The following PSME4 variants were observed in gnomAD, a reference collection of about 807,000 sequenced individuals.
The protein encoded by PSME4 is proteasome activator complex subunit 4.
PSME4 carries 89 observed loss-of-function variants against 253.9 expected under a neutral mutation model. That is an observed-to-expected ratio of 0.35 (90% CI 0.30 to 0.42). The LOEUF is 0.42. PSME4 is among the 10% of genes least tolerant of loss of function. The probability of loss-of-function intolerance (pLI) is 1.00; values close to 1 mark genes in which losing one functional copy is unlikely to be tolerated. For missense variants in PSME4, 2,014 were observed against 2,195.2 expected (o/e 0.92, Z 1.65); for synonymous variants, 851 against 759.2 (o/e 1.12, Z -1.99).
intron 3 of PSME4, among the ~76,000 whole-genome samples, chr2:53,940,755 T>G (rs967727807): frequency 2.0e-5 from 3 of 150,102 alleles, no homozygotes; most frequent in Non-Finnish European, 4.4e-5. Flanking sequence ...AATGGAGCAC[T>G]AGATAATTTT....
At chr2:53,876,135 C>G (rs1679104289) in intron 41 of PSME4, among the ~76,000 whole-genome samples, 1 of 152,172 alleles carries the variant, frequency 6.6e-6, no homozygotes, top group South Asian at 2.1e-4. Context: ...TGGCGGTACT[C>G]AGATTTCCCC....
intron 20 of PSME4, among the ~76,000 whole-genome samples, chr2:53,913,721 A>G (rs1667933870): frequency 6.6e-6 from 1 of 152,224 alleles, no homozygotes; most frequent in African/African-American, 2.4e-5. Flanking sequence ...CCAGTGAACA[A>G]AGGGTCACTA....
intron 26 of PSME4, among the ~76,000 whole-genome samples, chr2:53,904,432 G>C (rs557511219): frequency 1.3e-5 from 2 of 152,134 alleles, no homozygotes; most frequent in African/African-American, 4.8e-5. Context: ...CATTTGCTCA[G>C]TAACATAGCT....
intron 3 of PSME4, among the ~76,000 whole-genome samples, chr2:53,947,120 C>T (rs949485661): frequency 1.3e-5 from 2 of 152,046 alleles, no homozygotes; most frequent in African/African-American, 4.8e-5. Flanking sequence ...CAAAACTGTC[C>T]AAAAACCAAT....
intron 14 of PSME4, among the ~76,000 whole-genome samples, chr2:53,924,230 T>C (rs914359721): frequency 2.0e-5 from 3 of 152,214 alleles, no homozygotes. Flanking sequence ...CTGAAAAGTA[T>C]AAACAACTCT....
chr2:53,914,650 AGGC>A (rs1249936647), intron 20 of PSME4, among the ~76,000 whole-genome samples: 1 of 152,222 alleles, frequency 6.6e-6, no homozygotes, highest in African/African-American at 2.4e-5. Flanking sequence ...TGGGAGGCAG[AGGC>A]GGGTGGATCA....
chr2:53,874,850 CAA>C (rs1558643980), intron 42 of PSME4, among the ~76,000 whole-genome samples: 1 of 152,182 alleles, frequency 6.6e-6, no homozygotes, highest in Non-Finnish European at 1.5e-5. Flanking sequence ...GAAGCTGAGA[CAA>C]GAGAATCGCA....
chr2:53,955,657 C>T (rs1249205131), intron 1 of PSME4, among the ~76,000 whole-genome samples: 2 of 152,162 alleles, frequency 1.3e-5, no homozygotes, highest in Admixed American at 1.3e-4. Flanking sequence ...CACAGTGGCT[C>T]ATGTCTGCAA....
At chr2:53,932,159 T>C (rs1668861673) in intron 9 of PSME4, 59 bp from the exon 10 acceptor site, 3 of 1,485,908 alleles carry the variant, frequency 2.0e-6, no homozygotes, top group Admixed American at 1.9e-5. Context: ...TAGACATTCA[T>C]GGTTGCTCTC....
At chr2:53,967,963 T>C (rs115943773) in intron 1 of PSME4, among the ~76,000 whole-genome samples, 2 of 151,666 alleles carry the variant, frequency 1.3e-5, no homozygotes, top group African/African-American at 4.8e-5. Flanking sequence ...AATACCAGAG[T>C]AGAAATGCTT....
chr2:53,910,193 A>C lies in PSME4; in HGVS notation c.2517-63T>G, dbSNP rs1044853046. 18 of 1,359,070 alleles carry C rather than the reference A, an allele frequency of 1.3e-5. 1 individual carries two copies. In the African/African-American group the frequency reaches 2.0e-4, roughly 15 times the overall value. The allele number at this position is 1,359,070 out of a possible 1,614,324, so 84.2% of individuals were successfully genotyped here. A position where few individuals can be genotyped will look rare whatever the true frequency, so the allele number is the denominator to read the frequency against. On this transcript the variant is annotated intron_variant, in intron 20 of 46. Coordinates refer to ENST00000404125, the MANE Select transcript of PSME4 (RefSeq NM_014614.3). ...ACCAATATGAAGTATTAAAGGGAAA[A>C]GTTTCATTGCTGGACTGTTTAAACC...
At chr2:53,876,971 C>A (rs544930171) in intron 41 of PSME4, among the ~76,000 whole-genome samples, 1 of 151,702 alleles carries the variant, frequency 6.6e-6, no homozygotes, top group Non-Finnish European at 1.5e-5. Context: ...AATCTTCCTG[C>A]GCTGGCCTCC....
chr2:53,887,279 C>A lies in PSME4; in HGVS notation c.4709G>T (p.Gly1570Val), dbSNP rs1679683767. 1 of 1,613,504 alleles carries A rather than the reference C, an allele frequency of 6.2e-7. No homozygotes were observed. The highest frequency in any genetic ancestry group is 1.7e-5 in the Admixed American group (1 of 59,986). ...CTCACTGGTTTTCAAGAGTTTAATG[C>A]CCTGAGTTCGCTCATCTTCTTCACC... ...GIGEEDERTQ[G>V]IKLLKTILKW... is the part of the protein sequence containing the mutation. The change falls in exon 40 of 47, where the codon GGC becomes GTC. Residue 1570 changes from glycine to valine, a missense_variant. By Grantham distance (109) the Gly-to-Val change is moderately radical. Around this residue, in one of 4 missense-constraint regions of PSME4, gnomAD observed 403 missense variants for 556.1 expected, o/e 0.72. Transcript: ENST00000404125.
chr2:53,940,045 G>A, intron 3 of PSME4, 45 bp from the exon 4 acceptor site: 1 of 1,368,906 alleles, frequency 7.3e-7, no homozygotes, highest in Non-Finnish European at 1.0e-6. Context: ...TGTATTTTAA[G>A]AACATATCTA....
At position 53,955,639 on chromosome 2, in the gene PSME4, A is replaced by C. The variant is rs567132058; in HGVS notation, c.243-6356T>G. On this transcript the variant is annotated intron_variant, in intron 1 of 46. Transcript: ENST00000404125. ...TCATTCAAGGAAAAAGAAACAAAAC[A>C]GGCCCAGCACAGTGGCTCATGTCTG... Among the ~76,000 whole-genome samples, 3 of 152,324 alleles carry C rather than the reference A, an allele frequency of 2.0e-5. No individual in the cohort carries two copies. In the South Asian group the frequency reaches 6.2e-4, roughly 32 times the overall value.
rs1678475518 is a variant in PSME4, at chr2:53,864,455, TCA to T, written c.*1121_*1122del. ...ACTGAAAAAAAAAAAACCCCACATC[TCA>T]GTTTTTGTAACAAGATAAAGAAAAT... On this transcript the variant is annotated 3_prime_UTR_variant, in exon 47 of 47. Coordinates refer to ENST00000404125, the MANE Select transcript of PSME4 (RefSeq NM_014614.3). 2 of 151,098 alleles carry T rather than the reference TCA, an allele frequency of 1.3e-5. No individual in the cohort carries two copies. The highest frequency in any genetic ancestry group is 6.6e-5 in the Admixed American group (1 of 15,134). 9.4% of individuals were successfully genotyped at this position (151,098 alleles called of 1,614,324 possible). A position where few individuals can be genotyped will look rare whatever the true frequency, so the allele number is the denominator to read the frequency against.
chr2:53,904,285 C>T (rs1004654666), intron 26 of PSME4, 129 bp from the exon 27 acceptor site: 4 of 937,714 alleles, frequency 4.3e-6, no homozygotes, highest in Admixed American at 5.6e-5. Context: ...TTTCAAAGCA[C>T]GTACCCTAAA....
intron 3 of PSME4, among the ~76,000 whole-genome samples, chr2:53,943,846 C>CAAA (rs5831284): frequency 3.7e-5 from 3 of 81,330 alleles, no homozygotes; most frequent in Non-Finnish European, 4.8e-5. Context: ...AACTCCATCT[C>CAAA]AAAAAAAAAA....
At chr2:53,954,339 G>T (rs937059699) in intron 1 of PSME4, among the ~76,000 whole-genome samples, 25 of 147,984 alleles carry the variant, frequency 1.7e-4, no homozygotes, top group Non-Finnish European at 7.5e-5. Flanking sequence ...AAAAAAAAAG[G>T]AAAGAAAGAA....
Sources: allele counts gnomAD v4.1 joint callset (sites outside exome capture counted in the v4.1 genomes callset), GRCh38; gene constraint gnomAD v4.1.1; regional missense constraint gnomAD v4.1.1; transcripts MANE v1.5; gene names NCBI Gene and HGNC (gene_info 2026-07-23, HGNC 2026-07-21).